The following TPH2 variants were observed in gnomAD, a reference collection of about 807,000 sequenced individuals.
The protein encoded by TPH2 is tryptophan hydroxylase 2, also known as tryptophan 5-hydroxylase 2.
In TPH2, 27 loss-of-function variants were observed where a neutral mutation model predicts 59.1. That is an observed-to-expected ratio of 0.46 (90% CI 0.34 to 0.63). The LOEUF (loss-of-function observed/expected upper bound fraction) is 0.63, where lower values mean the gene tolerates loss of function less well. Ranked by LOEUF, TPH2 falls within the 30% of genes least tolerant of loss-of-function variation. The probability of loss-of-function intolerance (pLI) is 0.01; values close to 1 mark genes in which losing one functional copy is unlikely to be tolerated. For missense variants in TPH2, 523 were observed against 588.3 expected (o/e 0.89, Z 1.15); for synonymous variants, 220 against 210.5 (o/e 1.05, Z -0.39).
chr12:71,961,080 C>T (rs1273497923), intron 5 of TPH2, among the ~76,000 whole-genome samples: 1 of 152,142 alleles, frequency 6.6e-6, no homozygotes, highest in East Asian at 1.9e-4. Context: ...GAAACGGAGG[C>T]CAAACCTTGA....
intron 8 of TPH2, among the ~76,000 whole-genome samples, chr12:72,020,730 G>T (rs1265358104): frequency 6.6e-6 from 1 of 152,062 alleles, no homozygotes; most frequent in African/African-American, 2.4e-5. Context: ...TAGGTGATCT[G>T]ATCCCTTTGG....
chr12:71,943,609 T>C (rs1379564975), intron 2 of TPH2, among the ~76,000 whole-genome samples: 1 of 152,150 alleles, frequency 6.6e-6, no homozygotes, highest in Non-Finnish European at 1.5e-5. Flanking sequence ...GGGGTTATTA[T>C]CATTATTTTT....
intron 8 of TPH2, among the ~76,000 whole-genome samples, chr12:72,021,399 GTGTGTAT>G (rs1873413521): frequency 1.4e-5 from 2 of 144,504 alleles, no homozygotes; most frequent in African/African-American, 5.1e-5. Flanking sequence ...GTGTGTGTAT[GTGTGTAT>G]AACATCCGCC....
intron 8 of TPH2, among the ~76,000 whole-genome samples, chr12:72,006,563 A>C (rs1872958595): frequency 6.6e-6 from 1 of 152,082 alleles, no homozygotes; most frequent in Non-Finnish European, 1.5e-5. Flanking sequence ...GAGGGTGATC[A>C]AATATCAAGG....
intron 8 of TPH2, among the ~76,000 whole-genome samples, chr12:72,003,664 A>C (rs190386173): frequency 1.1e-4 from 17 of 152,222 alleles, no homozygotes; most frequent in African/African-American, 3.6e-4. Flanking sequence ...TCATATGTGC[A>C]TGTTTCCTTT....
intron 4 of TPH2, among the ~76,000 whole-genome samples, chr12:71,945,354 C>T (rs183125563): frequency 1.4e-3 from 209 of 152,226 alleles, no homozygotes; most frequent in African/African-American, 4.7e-3. Flanking sequence ...AGACCTGGAA[C>T]TTCTTTATGG....
At chr12:71,947,790 C>A (rs954378426) in intron 4 of TPH2, among the ~76,000 whole-genome samples, 4 of 152,076 alleles carry the variant, frequency 2.6e-5, no homozygotes, top group African/African-American at 7.2e-5. Context: ...CCACACTAAG[C>A]TAATGAGGCA....
chr12:72,016,364 T>C (rs1015322218), intron 8 of TPH2, among the ~76,000 whole-genome samples: 1 of 152,190 alleles, frequency 6.6e-6, no homozygotes, highest in African/African-American at 2.4e-5. Context: ...TGGGTTGGGC[T>C]GCTTTTTGGA....
chr12:72,010,426 C>A (rs1210601873), intron 8 of TPH2, among the ~76,000 whole-genome samples: 1 of 152,138 alleles, frequency 6.6e-6, no homozygotes, highest in Non-Finnish European at 1.5e-5. Context: ...CATATAGATG[C>A]TTGGTGTCAT....
chr12:72,006,720 G>T (rs1444146189), intron 8 of TPH2, among the ~76,000 whole-genome samples: 1 of 152,082 alleles, frequency 6.6e-6, no homozygotes, highest in African/African-American at 2.4e-5. Context: ...CTGGAAAAAT[G>T]GTTCAGAGGA....
chr12:71,972,643 C>T lies in TPH2; in HGVS notation c.733C>T (p.Leu245=), dbSNP rs754251765. ...CCGAGAGTATTTGAAAAACTTCCCT[C>T]TGCTGACTAAATACTGTGGCTACAG... The part of the protein sequence containing the change: ...ACREYLKNFP[L]LTKYCGYRED... The change falls in exon 6 of 11, where the codon CTG becomes TTG. Residue 245 remains leucine, a synonymous_variant. Transcript: ENST00000333850. 1.9e-6 allele frequency: 3 copies of T among 1,614,078 alleles called. No individual in the cohort carries two copies.
chr12:72,022,424 G>A lies in TPH2; in HGVS notation c.1094G>A (p.Gly365Asp), dbSNP rs780525755. The change falls in exon 9 of 11, where the codon GGC becomes GAC. Residue 365 changes from glycine (G) to aspartate (D), a missense_variant. Gly to Asp is a moderately conservative substitution (Grantham distance 94). Transcript: ENST00000333850. ...TGCTATTTCTTCACAATCGAGTTTGGCCTTTGCAAGCAAGAAGGGCAACTG... is the reference window on the plus strand; with the variant it reads ...TGCTATTTCTTCACAATCGAGTTTGACCTTTGCAAGCAAGAAGGGCAACTG... ...ATCYFFTIEFGLCKQEGQLRA... is the reference protein window; with the variant it reads ...ATCYFFTIEFDLCKQEGQLRA... The A allele has an allele frequency of 1.2e-6, 2 of 1,613,986 alleles. No homozygotes were observed. Among genetic ancestry groups the A allele is most frequent in the Non-Finnish European group, 1.7e-6 (2 of 1,179,896 alleles).
At chr12:71,950,153 C>T (rs922222278) in intron 5 of TPH2, among the ~76,000 whole-genome samples, 1 of 152,116 alleles carries the variant, frequency 6.6e-6, no homozygotes, top group African/African-American at 2.4e-5. Context: ...ACACCCATTC[C>T]CAGATCAGAG....
At chr12:71,944,096 A>G (rs1254362748) in intron 2 of TPH2, among the ~76,000 whole-genome samples, 198 bp from the exon 3 acceptor site, 1 of 152,144 alleles carries the variant, frequency 6.6e-6, no homozygotes. Flanking sequence ...ACCTATACAC[A>G]GAAGTATAAA....
At chr12:71,970,995 C>T (rs1014277898) in intron 5 of TPH2, among the ~76,000 whole-genome samples, 7 of 152,188 alleles carry the variant, frequency 4.6e-5, no homozygotes, top group Non-Finnish European at 8.8e-5. Context: ...TGGACCTGAA[C>T]TTTAAACAGA....
intron 6 of TPH2, among the ~76,000 whole-genome samples, chr12:71,977,516 G>T: frequency 6.6e-6 from 1 of 152,024 alleles, no homozygotes; most frequent in South Asian, 2.1e-4. Flanking sequence ...TGAGAAGAAA[G>T]ATATATTAAT....
chr12:71,971,645 CAA>C (rs1871975799), intron 5 of TPH2, among the ~76,000 whole-genome samples: 1 of 152,148 alleles, frequency 6.6e-6, no homozygotes, highest in Admixed American at 6.5e-5. Context: ...CAAGAAGTCT[CAA>C]CTCAAGTTGT....
intron 8 of TPH2, among the ~76,000 whole-genome samples, chr12:72,012,257 G>A (rs1873119663): frequency 6.6e-6 from 1 of 152,048 alleles, no homozygotes; most frequent in African/African-American, 2.4e-5. Context: ...TCAGGGTCTG[G>A]TGGAGAGGAC....
chr12:72,022,307 A>G lies in TPH2; in HGVS notation c.1069-92A>G, dbSNP rs1464236386. On this transcript the variant is annotated intron_variant, in intron 8 of 10. Transcript: ENST00000333850. ...TTAAATTGATAATATTGAAGAAATT[A>G]TGCACAGCCCACCATTTTGTTTTGG... 8.5e-6 allele frequency: 7 copies of G among 826,478 alleles called. No homozygotes were observed. The African/African-American group carries it at 1.2e-4, about 14-fold the overall frequency. 51.2% of individuals were successfully genotyped at this position (826,478 alleles called of 1,614,324 possible). A position where few individuals can be genotyped will look rare whatever the true frequency, so the allele number is the denominator to read the frequency against.
Sources: allele counts gnomAD v4.1 joint callset (sites outside exome capture counted in the v4.1 genomes callset), GRCh38; gene constraint gnomAD v4.1.1; transcripts MANE v1.5; gene names NCBI Gene and HGNC (gene_info 2026-07-23, HGNC 2026-07-21).